ZFAT: variants seen among roughly 807,000 people sequenced by gnomAD.
ZFAT encodes the protein zinc finger and AT-hook domain containing.
A neutral mutation model predicts 117.7 loss-of-function variants in ZFAT; 64 were observed. The ratio of observed to expected loss-of-function variants is 0.54; its 90% confidence interval spans 0.44 to 0.67. The LOEUF (loss-of-function observed/expected upper bound fraction) is 0.67, where lower values mean the gene tolerates loss of function less well. ZFAT is among the 30% of genes least tolerant of loss of function. ZFAT has a pLI of 0.00. For missense variants in ZFAT, 1,433 were observed against 1,584.5 expected, an observed-to-expected ratio of 0.90 and a Z score of 1.62; for synonymous variants, 679 against 615.0, an observed-to-expected ratio of 1.10 and a Z score of -1.54.
intron 3 of ZFAT, among the ~76,000 whole-genome samples, chr8:134,616,434 C>T (rs1828739594): frequency 2.6e-5 from 4 of 152,166 alleles, no homozygotes; most frequent in South Asian, 2.1e-4. Flanking sequence ...TTCAAAGTTG[C>T]GTTTTGTCCC....
intron 7 of ZFAT, among the ~76,000 whole-genome samples, chr8:134,591,549 CA>C (rs1826502763): frequency 1.3e-5 from 2 of 152,202 alleles, no homozygotes; most frequent in South Asian, 4.1e-4. Flanking sequence ...CCTAAAAAAT[CA>C]TATGTTGGAG....
chr8:134,478,409 G>C lies in ZFAT; in HGVS notation c.*73C>G, dbSNP rs1817028199. 2.6e-6 allele frequency: 4 copies of C among 1,511,122 alleles called. No individual in the cohort carries two copies. In the Admixed American group the frequency reaches 8.1e-5, roughly 31 times the overall value. The allele number at this position is 1,511,122 out of a possible 1,614,324, so 93.6% of individuals were successfully genotyped here. On this transcript the variant is annotated 3_prime_UTR_variant, in exon 16 of 16. Coordinates refer to ENST00000377838, the MANE Select transcript of ZFAT (RefSeq NM_020863.4). This position sits in a 1 kb window ranked among gnomAD's most constrained non-coding sequence, Gnocchi z 5.2. ...ACCATTCTGCGGGTAGGGCAGGAAG[G>C]GTGGCCTCCCCACCCTGGGTGCCTG...
At chr8:134,600,886 G>C (rs1424670655) in intron 6 of ZFAT, among the ~76,000 whole-genome samples, 1 of 152,074 alleles carries the variant, frequency 6.6e-6, no homozygotes, top group African/African-American at 2.4e-5. Flanking sequence ...ATGATGTTAG[G>C]GCCCAGAGAG....
At chr8:134,812,560 C>T in the ZFAT span, among the ~76,000 whole-genome samples, 1 of 152,176 alleles carries the variant, frequency 6.6e-6, no homozygotes, top group Admixed American at 6.5e-5. Context: ...CATGGTGAAA[C>T]CCTGTCTCTA....
the ZFAT span, among the ~76,000 whole-genome samples, chr8:134,734,295 C>T: frequency 1.3e-5 from 2 of 152,338 alleles, no homozygotes; most frequent in Admixed American, 6.5e-5. Flanking sequence ...CGGCTCCTGT[C>T]GCTTCGGGCT....
Position 134,667,868 on chromosome 8 carries a change from G to A in ZFAT, c.20-10131C>T, listed in dbSNP as rs1227049165. ...AATTCACTTTCCTAGCCAAGGGAAGGGGTGACAGACAGCACCTGGAAAATC... is the reference window on the plus strand; with the variant it reads ...AATTCACTTTCCTAGCCAAGGGAAGAGGTGACAGACAGCACCTGGAAAATC... On this transcript the variant is annotated intron_variant, in intron 1 of 15. Transcript: ENST00000377838. Among the ~76,000 whole-genome samples, 3 of 152,152 alleles carry A rather than the reference G, an allele frequency of 2.0e-5. No homozygotes were observed. The East Asian group carries it at 5.8e-4, about 29-fold the overall frequency.
At chr8:134,580,786 G>C (rs1287638542) in intron 10 of ZFAT, among the ~76,000 whole-genome samples, 1 of 152,108 alleles carries the variant, frequency 6.6e-6, no homozygotes, top group Non-Finnish European at 1.5e-5. Flanking sequence ...TGGAAACAAA[G>C]ATTCCAACCA....
At chr8:134,516,015 T>A (rs1820227125) in intron 13 of ZFAT, among the ~76,000 whole-genome samples, 1 of 152,244 alleles carries the variant, frequency 6.6e-6, no homozygotes, top group Non-Finnish European at 1.5e-5. Context: ...TTTGTTCAAA[T>A]CAAATCTAAA....
chr8:134,482,244 C>T (rs911290418), intron 15 of ZFAT, among the ~76,000 whole-genome samples: 3 of 152,188 alleles, frequency 2.0e-5, no homozygotes, highest in Non-Finnish European at 4.4e-5. Flanking sequence ...ATCATACCTC[C>T]GTCTGCAAGT....
At chr8:134,783,083 T>G in the ZFAT span, among the ~76,000 whole-genome samples, 1 of 152,216 alleles carries the variant, frequency 6.6e-6, no homozygotes, top group African/African-American at 2.4e-5. Context: ...TGTTTTGTTT[T>G]TAAGTCACAT....
intron 13 of ZFAT, among the ~76,000 whole-genome samples, chr8:134,514,356 A>G (rs1414431515): frequency 6.6e-6 from 1 of 152,196 alleles, no homozygotes; most frequent in Non-Finnish European, 1.5e-5. Context: ...TTGACACTCG[A>G]GTGTCTATTT....
intron 15 of ZFAT, among the ~76,000 whole-genome samples, chr8:134,499,937 A>C (rs1221137303): frequency 6.6e-6 from 1 of 152,268 alleles, no homozygotes; most frequent in South Asian, 2.1e-4. Flanking sequence ...AAGGAGGGGG[A>C]CACTAAGAGT....
intron 13 of ZFAT, among the ~76,000 whole-genome samples, chr8:134,518,095 T>C (rs1820378715): frequency 6.6e-6 from 1 of 152,218 alleles, no homozygotes; most frequent in African/African-American, 2.4e-5. Flanking sequence ...TTAGCACTCA[T>C]TAACGGATCT....
At chr8:134,483,020 G>A (rs1351096037) in intron 15 of ZFAT, among the ~76,000 whole-genome samples, 1 of 152,232 alleles carries the variant, frequency 6.6e-6, no homozygotes, top group Non-Finnish European at 1.5e-5. Context: ...GAGGACGAAG[G>A]AGGGAGAGTG....
Position 134,643,520 on chromosome 8 carries a change from T to C in ZFAT, c.197-5808A>G, listed in dbSNP as rs533133114. ...GGCATCATGTATGAACATGCACTTG[T>C]CTCAGAACCTATGAAAAAGGTCAGT... is the stretch of plus-strand genomic sequence containing the variant. On this transcript the variant is annotated intron_variant, in intron 2 of 15. Transcript: ENST00000377838. 2.0e-5 allele frequency among the ~76,000 whole-genome samples: 3 copies of C among 152,200 alleles called. No individual in the cohort carries two copies. The South Asian group carries it at 6.2e-4, about 32-fold the overall frequency.
At chr8:134,616,113 T>C (rs1828715377) in intron 3 of ZFAT, among the ~76,000 whole-genome samples, 1 of 152,072 alleles carries the variant, frequency 6.6e-6, no homozygotes, top group South Asian at 2.1e-4. Context: ...AGGTGTTTCA[T>C]GGAGAGAAAT....
At chr8:134,518,530 T>C (rs977539870) in intron 13 of ZFAT, among the ~76,000 whole-genome samples, 3 of 152,188 alleles carry the variant, frequency 2.0e-5, no homozygotes, top group African/African-American at 7.2e-5. Context: ...CATGTGAGGC[T>C]GATCATGTTT....
intron 15 of ZFAT, among the ~76,000 whole-genome samples, chr8:134,500,626 T>C (rs1356815997): frequency 6.6e-6 from 1 of 152,156 alleles, no homozygotes; most frequent in Non-Finnish European, 1.5e-5. Flanking sequence ...GGATGCAATG[T>C]GGAGTAGCAG....
intron 10 of ZFAT, among the ~76,000 whole-genome samples, chr8:134,567,012 T>G (rs1252161134): frequency 6.6e-6 from 1 of 152,178 alleles, no homozygotes; most frequent in Non-Finnish European, 1.5e-5. Context: ...CAAGCATCCT[T>G]GCATATAACT....
Sources: gnomAD v4.1 joint callset for allele counts (sites outside exome capture counted in the v4.1 genomes callset) on GRCh38, gnomAD v4.1.1 for gene constraint, Gnocchi (gnomAD v3.1) non-coding constraint, MANE v1.5 for transcripts, NCBI Gene and HGNC (gene_info 2026-07-23, HGNC 2026-07-21) for gene names.